The following LRTM1 variants were observed in gnomAD, a reference collection of about 807,000 sequenced individuals.
LRTM1 encodes leucine rich repeat transmembrane protein 1.
In LRTM1, 38 loss-of-function variants were observed where a neutral mutation model predicts 32.4. That is an observed-to-expected ratio of 1.17 (90% CI 0.91 to 1.54). LRTM1 has a LOEUF of 1.54. LRTM1 is among the 40% of genes most tolerant of loss of function. LRTM1 has a pLI of 0.00. For missense variants in LRTM1, 466 were observed against 415.4 expected (o/e 1.12, Z -1.06); for synonymous variants, 186 against 169.9 (o/e 1.09, Z -0.74).
intron 1 of LRTM1, among the ~76,000 whole-genome samples, chr3:54,964,921 C>T (rs1398724772): frequency 6.6e-6 from 1 of 151,944 alleles, no homozygotes; most frequent in Non-Finnish European, 1.5e-5. Context: ...CTCATTCTCC[C>T]ATTTCCCATT....
intron 1 of LRTM1, among the ~76,000 whole-genome samples, chr3:54,956,261 C>T (rs1701889817): frequency 6.6e-6 from 1 of 152,222 alleles, no homozygotes; most frequent in African/African-American, 2.4e-5. Flanking sequence ...ATGAGCAGAC[C>T]CGTAAGCGCA....
chr3:54,958,733 C>T (rs925851410), intron 1 of LRTM1, among the ~76,000 whole-genome samples: 1 of 152,156 alleles, frequency 6.6e-6, no homozygotes, highest in Non-Finnish European at 1.5e-5. Flanking sequence ...AAGTATGCAA[C>T]AGAGATCACC....
At chr3:54,959,127 C>T (rs1460925181) in intron 1 of LRTM1, among the ~76,000 whole-genome samples, 3 of 152,164 alleles carry the variant, frequency 2.0e-5, no homozygotes, top group Non-Finnish European at 4.4e-5. Context: ...ATCTGGCAAT[C>T]CTATTAGAGT....
At chr3:54,953,474 C>T (rs1227630391) in intron 1 of LRTM1, among the ~76,000 whole-genome samples, 10 of 152,188 alleles carry the variant, frequency 6.6e-5, no homozygotes, top group African/African-American at 2.4e-4. Context: ...TCATGGGACG[C>T]AGCTGAAGCC....
chr3:54,948,223 A>G (rs185704550), intron 1 of LRTM1, among the ~76,000 whole-genome samples: 71 of 152,318 alleles, frequency 4.7e-4, no homozygotes, highest in African/African-American at 1.7e-3. Flanking sequence ...CTTTTTGACT[A>G]GAAAAGTATG....
chr3:54,963,936 G>A (rs537046242), intron 1 of LRTM1, among the ~76,000 whole-genome samples: 67 of 152,302 alleles, frequency 4.4e-4, no homozygotes, highest in Middle Eastern at 6.8e-3. Context: ...TTGAAGTTTC[G>A]ATATCTGTAG....
At chr3:54,932,899 G>A (rs9814790), upstream of LRTM1, among the ~76,000 whole-genome samples, 1,802 of 152,284 alleles carry the variant, frequency 0.012, 29 homozygotes, top group African/African-American at 0.041. Flanking sequence ...CAGAAATTTC[G>A]TTTGGTTAGA....
At chr3:54,922,208 C>T (rs1050681574) in intron 2 of LRTM1, among the ~76,000 whole-genome samples, 1 of 152,100 alleles carries the variant, frequency 6.6e-6, no homozygotes, top group African/African-American at 2.4e-5. Context: ...TCTGGTGACA[C>T]TGAGTGCTAG....
Position 54,964,827 on chromosome 3 carries a change from T to G in LRTM1, c.-222+2101A>C, listed in dbSNP as rs115235317. ...GGAGAGGGTTATTCTTATTTTTTTT[T>G]TTGTTGCCTTGTTTTTTGCACTTTA... is the stretch of plus-strand genomic sequence containing the variant. On this transcript the variant is annotated intron_variant, in intron 1 of 2. Transcript: ENST00000493075. Among the ~76,000 whole-genome samples the G allele has an allele frequency of 3.7e-3, 569 of 152,210 alleles. 7 individuals are homozygous for G. Among genetic ancestry groups the G allele is most frequent in the African/African-American group, 0.011 (476 of 41,542 alleles).
intron 1 of LRTM1, among the ~76,000 whole-genome samples, chr3:54,937,971 A>G (rs141760553): frequency 6.4e-4 from 98 of 152,350 alleles, no homozygotes; most frequent in African/African-American, 2.3e-3. Context: ...GACCATAACC[A>G]GAGAAAAGCC....
At chr3:54,949,191 T>TC (rs1701693231) in intron 1 of LRTM1, among the ~76,000 whole-genome samples, 1 of 152,182 alleles carries the variant, frequency 6.6e-6, no homozygotes. Flanking sequence ...ATAGTTTTGG[T>TC]CAGTGCCTAT....
chr3:54,919,044 A>T (rs1472326124), intron 2 of LRTM1, 152 bp from the exon 3 acceptor site: 2 of 650,552 alleles, frequency 3.1e-6, no homozygotes, highest in East Asian at 3.0e-5. Context: ...ACCATATTTT[A>T]TGATTTTAGG....
rs116329630 is a variant in LRTM1, at chr3:54,954,851, C to A, written c.-222+12077G>T. On this transcript the variant is annotated intron_variant, in intron 1 of 2. Coordinates refer to the LRTM1 transcript ENST00000493075. ...TGCCAGGAATCTTCAGAAAGAAGAA[C>A]AACTGGGTTTCAGAGTTATTTCTCA... Among the ~76,000 whole-genome samples, 410 of 152,308 alleles carry A rather than the reference C, an allele frequency of 2.7e-3. 2 individuals carry two copies. Among genetic ancestry groups the A allele is most frequent in the African/African-American group, 9.5e-3 (395 of 41,562 alleles).
At chr3:54,935,716 G>A (rs200837970) in intron 1 of LRTM1, among the ~76,000 whole-genome samples, 1 of 152,138 alleles carries the variant, frequency 6.6e-6, no homozygotes, top group East Asian at 1.9e-4. Flanking sequence ...TTCAGTTTCT[G>A]TAATAGATTA....
chr3:54,965,452 C>T (rs1397648305), intron 1 of LRTM1, among the ~76,000 whole-genome samples: 1 of 152,188 alleles, frequency 6.6e-6, no homozygotes, highest in Non-Finnish European at 1.5e-5. Flanking sequence ...GCTCTCCATG[C>T]CTCACCTTAC....
chr3:54,941,238 A>T (rs1701459193), intron 1 of LRTM1, among the ~76,000 whole-genome samples: 1 of 152,230 alleles, frequency 6.6e-6, no homozygotes, highest in Admixed American at 6.5e-5. Flanking sequence ...AAGTAAAAAA[A>T]CAGGGGCATA....
At chr3:54,923,762 C>T (rs367698901) in intron 2 of LRTM1, among the ~76,000 whole-genome samples, 2 of 152,154 alleles carry the variant, frequency 1.3e-5, no homozygotes, top group South Asian at 2.1e-4. Context: ...TCTGTTCTCA[C>T]CTGGGCTTCT....
rs764447650 is a variant in LRTM1, at chr3:54,927,955, T to G, written c.-44A>C. The G allele has an allele frequency of 6.2e-7, 1 of 1,603,506 alleles. No homozygotes were observed. Among genetic ancestry groups the G allele is most frequent in the South Asian group, 1.1e-5 (1 of 90,810 alleles). Reference sequence around the variant, plus strand: ...GTCCTTGCTGACCTCGTAGACCCTTTAATTAATGTGCAGAGCAACACACGA... The same window carrying G: ...GTCCTTGCTGACCTCGTAGACCCTTGAATTAATGTGCAGAGCAACACACGA... On this transcript the variant is annotated 5_prime_UTR_variant, in exon 1 of 3. Coordinates refer to ENST00000273286, the MANE Select transcript of LRTM1 (RefSeq NM_020678.4).
chr3:54,929,379 T>C (rs183190079), upstream of LRTM1, among the ~76,000 whole-genome samples: 46 of 152,330 alleles, frequency 3.0e-4, no homozygotes, highest in Admixed American at 2.5e-3. Context: ...GCAGGAGGAA[T>C]GTCCTGAGGG....
Sources: gnomAD v4.1 joint callset for allele counts (sites outside exome capture counted in the v4.1 genomes callset) on GRCh38, gnomAD v4.1.1 for gene constraint, MANE v1.5 for transcripts, NCBI Gene and HGNC (gene_info 2026-07-23, HGNC 2026-07-21) for gene names.